The following SEMA4F variants were observed in gnomAD, a reference collection of about 807,000 sequenced individuals.
SEMA4F encodes semaphorin-4F.
Under a neutral mutation model 78.4 loss-of-function variants are expected in SEMA4F, and 51 were observed. The observed-to-expected ratio is 0.65, with a 90% CI of 0.52 to 0.82. The LOEUF is 0.82. Among genes scored for constraint, SEMA4F ranks in the 40% least tolerant of loss-of-function variants. SEMA4F has a pLI of 0.00. For synonymous variants in SEMA4F, 418 were observed against 408.7 expected (o/e 1.02, Z -0.27); for missense variants, 938 against 1,014.4 (o/e 0.92, Z 1.02).
downstream of SEMA4F, among the ~76,000 whole-genome samples, chr2:74,687,958 T>C (rs1415488475): frequency 6.6e-6 from 1 of 152,186 alleles, no homozygotes; most frequent in African/African-American, 2.4e-5. Context: ...CTAATCATAG[T>C]TGCCCTTAAT....
chr2:74,689,289 T>G, the SEMA4F span, among the ~76,000 whole-genome samples: 1 of 152,158 alleles, frequency 6.6e-6, no homozygotes, highest in African/African-American at 2.4e-5. Flanking sequence ...TAAAACACTT[T>G]AAAATAAGAT....
chr2:74,692,862 A>G, the SEMA4F span, among the ~76,000 whole-genome samples: 2 of 152,234 alleles, frequency 1.3e-5, no homozygotes, highest in East Asian at 3.8e-4. Context: ...AGCTCATCTC[A>G]CTGACCTTGA....
the SEMA4F span, among the ~76,000 whole-genome samples, chr2:74,691,360 A>T: frequency 6.6e-6 from 1 of 152,192 alleles, no homozygotes; most frequent in Admixed American, 6.5e-5. Flanking sequence ...TCAACTTTGG[A>T]CAAGGTGTGC....
At chr2:74,696,019 A>G in the SEMA4F span, among the ~76,000 whole-genome samples, 1 of 152,090 alleles carries the variant, frequency 6.6e-6, no homozygotes, top group Non-Finnish European at 1.5e-5. Context: ...ACCTAAAATC[A>G]AATCTGAACC....
downstream of SEMA4F, among the ~76,000 whole-genome samples, chr2:74,685,026 G>T (rs1685787059): frequency 2.0e-5 from 3 of 152,320 alleles, no homozygotes; most frequent in South Asian, 4.2e-4. Flanking sequence ...AGGACCAAGA[G>T]CTGCTGATGT....
the SEMA4F span, among the ~76,000 whole-genome samples, chr2:74,690,146 A>G: frequency 6.6e-6 from 1 of 152,168 alleles, no homozygotes; most frequent in African/African-American, 2.4e-5. Context: ...CATGCCATGC[A>G]TTCTCCCCCG....
the SEMA4F span, among the ~76,000 whole-genome samples, chr2:74,708,722 A>G: frequency 2.0e-5 from 3 of 152,372 alleles, no homozygotes; most frequent in African/African-American, 7.2e-5. Flanking sequence ...TTGAATGAGA[A>G]AAGACAACAA....
chr2:74,677,431 G>A (rs894438900), intron 12 of SEMA4F, among the ~76,000 whole-genome samples: 11 of 151,442 alleles, frequency 7.3e-5, no homozygotes, highest in African/African-American at 2.7e-4. Flanking sequence ...ACATACAAGG[G>A]CTTTAAAAAA....
the SEMA4F span, among the ~76,000 whole-genome samples, chr2:74,694,886 T>G: frequency 2.0e-5 from 3 of 152,198 alleles, no homozygotes; most frequent in Non-Finnish European, 4.4e-5. Flanking sequence ...CTGAATAATA[T>G]TCTATTGTCT....
chr2:74,695,087 A>G, the SEMA4F span, among the ~76,000 whole-genome samples: 1 of 152,174 alleles, frequency 6.6e-6, no homozygotes, highest in Non-Finnish European at 1.5e-5. Flanking sequence ...ATTATTTGAA[A>G]TTTTGTTTTT....
the SEMA4F span, among the ~76,000 whole-genome samples, chr2:74,699,773 T>A: frequency 2.6e-5 from 4 of 152,124 alleles, no homozygotes; most frequent in South Asian, 8.3e-4. Flanking sequence ...GAGGAGGGTG[T>A]TCAAAATAGG....
At chr2:74,686,758 T>G (rs570618635), downstream of SEMA4F, among the ~76,000 whole-genome samples, 1 of 152,158 alleles carries the variant, frequency 6.6e-6, no homozygotes, top group East Asian at 1.9e-4. Flanking sequence ...ACCATCATTC[T>G]GAGCAAACTA....
At position 74,673,330 on chromosome 2, in the gene SEMA4F, G is replaced by T. The variant is rs954216673; in HGVS notation, c.551-127G>T. 3.5e-6 allele frequency: 4 copies of T among 1,138,792 alleles called. No homozygotes were observed. The African/African-American group carries it at 6.1e-5, about 17-fold the overall frequency. The allele number at this position is 1,138,792 out of a possible 1,614,324, so 70.5% of individuals were successfully genotyped here. A position where few individuals can be genotyped will look rare whatever the true frequency, so the allele number is the denominator to read the frequency against. ...TAATGCCTGTGATGTGCTCAGCAGA[G>T]TCTGGCACTCATGGGTGTTTAGTCC... On this transcript the variant is annotated intron_variant, in intron 5 of 13. Transcript: ENST00000357877.
chr2:74,678,349 T>C (rs1685403770), intron 12 of SEMA4F, among the ~76,000 whole-genome samples: 1 of 152,166 alleles, frequency 6.6e-6, no homozygotes, highest in African/African-American at 2.4e-5. Flanking sequence ...GAGAAGAACA[T>C]AGACTGTGAA....
the SEMA4F span, among the ~76,000 whole-genome samples, chr2:74,704,029 A>T: frequency 6.1e-4 from 93 of 152,278 alleles, no homozygotes; most frequent in African/African-American, 2.1e-3. Context: ...TAGACTGCAC[A>T]GGGGAGAAGA....
At chr2:74,669,691 T>C (rs1475415660) in intron 5 of SEMA4F, among the ~76,000 whole-genome samples, 1 of 152,174 alleles carries the variant, frequency 6.6e-6, no homozygotes, top group Non-Finnish European at 1.5e-5. Flanking sequence ...AGGAAGCATT[T>C]TGATGCCAGA....
At position 74,657,945 on chromosome 2, in the gene SEMA4F, G is replaced by T. The variant is rs2104916751; in HGVS notation, c.450G>T (p.Gly150=). Residue 150 remains glycine (G), a synonymous_variant, in exon 4 of 14, where the codon GGG becomes GGT. Transcript: ENST00000357877. ...CGTFAFDPKC[G]VIDVSRFQQV... ...CCTTCGCTTTTGATCCGAAGTGCGGGGTTATTGTGAGTGACGGTGTGGGAG... is the reference window on the plus strand; with the variant it reads ...CCTTCGCTTTTGATCCGAAGTGCGGTGTTATTGTGAGTGACGGTGTGGGAG... 1 of 1,614,054 alleles carries T rather than the reference G, an allele frequency of 6.2e-7. No homozygotes were observed. The highest frequency in any genetic ancestry group is 2.2e-5 in the East Asian group (1 of 44,890).
In SEMA4F at chr2:74,675,909, G is replaced by C. The variant is rs757431247; in HGVS notation, c.1643G>C (p.Gly548Ala). 9 of 1,609,630 alleles carry C rather than the reference G, an allele frequency of 5.6e-6. No individual in the cohort carries two copies. In the South Asian group the frequency reaches 9.9e-5, roughly 18 times the overall value. ...ECVAHAGEHR[G>A]LVQDIESADV... is the part of the protein sequence containing the mutation. Reference sequence around the variant, plus strand: ...GTGGCCCATGCCGGGGAGCACCGAGGGTGAGTGTAGCTGCCTGGATTTCTT... The same window carrying C: ...GTGGCCCATGCCGGGGAGCACCGAGCGTGAGTGTAGCTGCCTGGATTTCTT... Residue 548 changes from glycine (G) to alanine (A), a missense_variant and splice_region_variant, in exon 12 of 14, where the codon GGG becomes GCG. Gly to Ala is a moderately conservative substitution (Grantham distance 60). Coordinates refer to ENST00000357877, the MANE Select transcript of SEMA4F (RefSeq NM_004263.5).
Position 74,680,442 on chromosome 2 carries a change from G to C in SEMA4F, c.*233G>C. The stretch of plus-strand genomic sequence containing the variant: ...CAGAACTGCTTTCTGCAGCAAATCA[G>C]GGCTTCCCCCTAACATCTGAACTCC... On this transcript the variant is annotated 3_prime_UTR_variant, in exon 14 of 14. Coordinates refer to ENST00000357877, the MANE Select transcript of SEMA4F (RefSeq NM_004263.5). 1 of 475,016 alleles carries C rather than the reference G, an allele frequency of 2.1e-6. No homozygotes were observed. Among genetic ancestry groups the C allele is most frequent in the Non-Finnish European group, 3.7e-6 (1 of 273,228 alleles). 29.4% of individuals were successfully genotyped at this position (475,016 alleles called of 1,614,324 possible).
Sources: allele counts gnomAD v4.1 joint callset (sites outside exome capture counted in the v4.1 genomes callset), GRCh38; gene constraint gnomAD v4.1.1; transcripts MANE v1.5; gene names NCBI Gene and HGNC (gene_info 2026-07-23, HGNC 2026-07-21).